Variants in LEMD3 observed in about 807,000 individuals in gnomAD.
The protein encoded by LEMD3 is LEM domain containing 3, also known as inner nuclear membrane protein Man1.
Under a neutral mutation model 95.2 loss-of-function variants are expected in LEMD3, and 33 were observed. That is an observed-to-expected ratio of 0.35 (90% CI 0.26 to 0.46). The LOEUF (loss-of-function observed/expected upper bound fraction) is 0.46, where lower values mean the gene tolerates loss of function less well. Ranked by LOEUF, LEMD3 falls within the 20% of genes least tolerant of loss-of-function variation. The pLI is 1.00. For missense variants in LEMD3, 1,210 were observed against 1,192.8 expected, an observed-to-expected ratio of 1.01 and a Z score of -0.21; for synonymous variants, 525 against 474.6, an observed-to-expected ratio of 1.11 and a Z score of -1.38.
At chr12:65,229,471 A>G (rs1360375704) in intron 4 of LEMD3, among the ~76,000 whole-genome samples, 2 of 152,160 alleles carry the variant, frequency 1.3e-5, no homozygotes, top group Non-Finnish European at 2.9e-5. Context: ...ATGTTCTGCA[A>G]TGCCTGTACT....
intron 1 of LEMD3, among the ~76,000 whole-genome samples, chr12:65,190,835 T>A (rs1375234856): frequency 6.6e-6 from 1 of 152,162 alleles, no homozygotes. Flanking sequence ...TGGTTACGGT[T>A]TCTGAATTCT....
chr12:65,196,338 A>C (rs188209690), intron 1 of LEMD3, among the ~76,000 whole-genome samples: 3 of 151,946 alleles, frequency 2.0e-5, no homozygotes, highest in African/African-American at 7.2e-5. Flanking sequence ...ACCAAAAAAA[A>C]CCCCAAACAG....
Position 65,243,465 on chromosome 12 carries a change from G to T in LEMD3, c.2383G>T (p.Val795Phe). 6.4e-7 allele frequency: 1 copy of T among 1,559,504 alleles called. No homozygotes were observed. Among genetic ancestry groups the T allele is most frequent in the South Asian group, 1.1e-5 (1 of 89,858 alleles). ...AAAGATTCGGAATATGTTTGATCCCGTTATGTAAGTATTATGATCAGGGGT... is the reference window on the plus strand; with the variant it reads ...AAAGATTCGGAATATGTTTGATCCCTTTATGTAAGTATTATGATCAGGGGT... ...CLKIRNMFDP[V>F]MEIGDQWHLA... The change falls in exon 10 of 13, where the codon GTT (valine) becomes TTT (phenylalanine). Residue 795 changes from valine (V) to phenylalanine (F), a missense_variant. Transcript: ENST00000308330.
chr12:65,189,617 T>A (rs1305819138), intron 1 of LEMD3, among the ~76,000 whole-genome samples: 2 of 152,208 alleles, frequency 1.3e-5, no homozygotes, highest in Admixed American at 1.3e-4. Flanking sequence ...AAGGGTGCCC[T>A]GTAGTTTTCT....
chr12:65,198,563 G>T (rs751565355), intron 1 of LEMD3, among the ~76,000 whole-genome samples: 24 of 152,036 alleles, frequency 1.6e-4, no homozygotes, highest in Non-Finnish European at 3.2e-4. Context: ...GTCTTTATTT[G>T]AATCTGATCC....
In LEMD3 at chr12:65,238,717, G is replaced by A. The variant is rs372338782; in HGVS notation, c.1824G>A (p.Val608=). The change falls in exon 6 of 13, where the codon GTG becomes GTA. Residue 608 remains valine, a synonymous_variant. Coordinates refer to ENST00000308330, the MANE Select transcript of LEMD3 (RefSeq NM_014319.5). The part of the protein sequence containing the change: ...PEEELTNITD[V]QFLQSTRPLM... ...AAGAATTGACAAATATAACTGATGT[G>A]CAGTTTTTACAGTCCACAAGACCAC... The A allele has an allele frequency of 6.2e-7, 1 of 1,614,020 alleles. No homozygotes were observed. The highest frequency in any genetic ancestry group is 8.5e-7 in the Non-Finnish European group (1 of 1,179,936).
chr12:65,220,869 T>C (rs1258985408), intron 4 of LEMD3, among the ~76,000 whole-genome samples: 1 of 152,170 alleles, frequency 6.6e-6, no homozygotes, highest in African/African-American at 2.4e-5. Context: ...TAGAAGATTG[T>C]TGGATCATAC....
chr12:65,240,402 ATTCTC>A (rs1386012244), intron 8 of LEMD3, among the ~76,000 whole-genome samples, 164 bp downstream of exon 8: 2 of 152,010 alleles, frequency 1.3e-5, no homozygotes, highest in Non-Finnish European at 2.9e-5. Context: ...CTCTTTCTAA[ATTCTC>A]TTCCATTCTC....
chr12:65,207,259 G>T (rs776311601), intron 1 of LEMD3, among the ~76,000 whole-genome samples: 1 of 152,084 alleles, frequency 6.6e-6, no homozygotes, highest in African/African-American at 2.4e-5. Flanking sequence ...GCTATTCTAG[G>T]AGACCATAGT....
rs780199936 is a variant in LEMD3, at chr12:65,169,859, G to T, written c.263G>T (p.Gly88Val). Residue 88 changes from glycine (G) to valine (V), a missense_variant, in exon 1 of 13, where the codon GGG becomes GTG. Physicochemically the swap from Gly to Val is moderately radical, Grantham distance 109. This residue lies in a region of LEMD3 where 749 missense variants were observed against 622.9 expected (regional missense o/e 1.20). Coordinates refer to ENST00000308330, the MANE Select transcript of LEMD3 (RefSeq NM_014319.5). ...AAGPAAAAAA[G>V]MGVRPVSGDL... is the part of the protein sequence containing the mutation. ...GGACCAGCGGCGGCGGCGGCCGCGG[G>T]GATGGGGGTCCGGCCGGTCTCGGGC... is the stretch of plus-strand genomic sequence containing the variant. 20 of 1,459,620 alleles carry T rather than the reference G, an allele frequency of 1.4e-5. No individual in the cohort carries two copies. The highest frequency in any genetic ancestry group is 1.6e-5 in the Non-Finnish European group (18 of 1,104,522). 90.4% of individuals were successfully genotyped at this position (1,459,620 alleles called of 1,614,324 possible). A position where few individuals can be genotyped will look rare whatever the true frequency, so the allele number is the denominator to read the frequency against.
intron 1 of LEMD3, among the ~76,000 whole-genome samples, chr12:65,198,929 C>T (rs1869513427): frequency 6.6e-6 from 1 of 152,066 alleles, no homozygotes; most frequent in Non-Finnish European, 1.5e-5. Flanking sequence ...TACCTTTCTT[C>T]CCAACATTGT....
chr12:65,213,107 TA>T (rs1282233414), intron 2 of LEMD3, among the ~76,000 whole-genome samples: 5 of 152,284 alleles, frequency 3.3e-5, no homozygotes, highest in African/African-American at 7.2e-5. Context: ...GATAGATAGA[TA>T]GATAGATAAA....
intron 1 of LEMD3, among the ~76,000 whole-genome samples, chr12:65,183,926 G>A (rs1213523332): frequency 1.3e-5 from 2 of 152,112 alleles, no homozygotes; most frequent in Non-Finnish European, 2.9e-5. Context: ...TAAACATGTA[G>A]AATGGAGAGA....
chr12:65,170,730 C>A lies in LEMD3; in HGVS notation c.1134C>A (p.Thr378=). The change falls in exon 1 of 13, where the codon ACC becomes ACA. Residue 378 remains threonine, a synonymous_variant. Coordinates refer to ENST00000308330, the MANE Select transcript of LEMD3 (RefSeq NM_014319.5). ...CGCCACTTACTGACATGGACTCAAC[C>A]TTGGATTCGTCAACAGGCTCCCTTC... ...LPPPLTDMDS[T]LDSSTGSLLK... is the part of the protein sequence containing the mutation. The A allele has an allele frequency of 6.2e-7, 1 of 1,614,210 alleles. No individual in the cohort carries two copies. The highest frequency in any genetic ancestry group is 1.3e-5 in the African/African-American group (1 of 75,054).
chr12:65,241,173 A>T (rs1870927401), intron 9 of LEMD3, 86 bp downstream of exon 9: 8 of 1,149,470 alleles, frequency 7.0e-6, no homozygotes, highest in Non-Finnish European at 1.0e-5. Flanking sequence ...GTACAATTCA[A>T]AGATGTATGA....
At chr12:65,212,454 C>G (rs900304759) in intron 2 of LEMD3, among the ~76,000 whole-genome samples, 3 of 150,648 alleles carry the variant, frequency 2.0e-5, no homozygotes, top group African/African-American at 7.3e-5. Flanking sequence ...GGAGAATGGC[C>G]TGAACCCGGG....
At chr12:65,180,989 A>AACACACACACACACACACACAC (rs71096029) in intron 1 of LEMD3, among the ~76,000 whole-genome samples, 21 of 149,280 alleles carry the variant, frequency 1.4e-4, no homozygotes, top group African/African-American at 5.0e-4. Flanking sequence ...TATGTACACA[A>AACACACACACACACACACACAC]ACACACACAC....
At chr12:65,209,085 C>T (rs561659023) in intron 1 of LEMD3, among the ~76,000 whole-genome samples, 1 of 152,206 alleles carries the variant, frequency 6.6e-6, no homozygotes, top group South Asian at 2.1e-4. Context: ...CGAGATAGCA[C>T]AACAAGCATT....
At chr12:65,180,368 TTAA>T (rs1419864310) in intron 1 of LEMD3, among the ~76,000 whole-genome samples, 1 of 149,162 alleles carries the variant, frequency 6.7e-6, no homozygotes, top group Non-Finnish European at 1.5e-5. Context: ...ATATATATAG[TTAA>T]TAATATTCTT....
Sources: allele counts gnomAD v4.1 joint callset (sites outside exome capture counted in the v4.1 genomes callset), GRCh38; gene constraint gnomAD v4.1.1; regional missense constraint gnomAD v4.1.1; transcripts MANE v1.5; gene names NCBI Gene and HGNC (gene_info 2026-07-23, HGNC 2026-07-21).